ACOXL: variants seen among roughly 807,000 people sequenced by gnomAD.
ACOXL encodes acyl-CoA oxidase like.
Under a neutral mutation model 71.9 loss-of-function variants are expected in ACOXL, and 70 were observed. That is an observed-to-expected ratio of 0.97 (90% CI 0.80 to 1.19). The LOEUF is 1.19. ACOXL is among the 50% of genes most tolerant of loss of function. ACOXL has a pLI of 0.00. For missense variants in ACOXL, 703 were observed against 736.3 expected (o/e 0.95, Z 0.52); for synonymous variants, 253 against 281.6 (o/e 0.90, Z 1.02).
At chr2:111,089,180 G>A (rs2068385514) in intron 16 of ACOXL, among the ~76,000 whole-genome samples, 1 of 152,158 alleles carries the variant, frequency 6.6e-6, no homozygotes. Context: ...TGAGCATGTA[G>A]TCCCAGCTAC....
At position 110,885,629 on chromosome 2, in the gene ACOXL, CACA is replaced by C. The variant is rs563928795; in HGVS notation, c.789-23156_789-23154del. Among the ~76,000 whole-genome samples the C allele has an allele frequency of 9.2e-5, 14 of 152,272 alleles. No individual in the cohort carries two copies. In the South Asian group the frequency reaches 2.7e-3, roughly 29 times the overall value. ...ATTCGACTCCACGAAAGCCCATTAT[CACA>C]ACATTAGCTTTGTGTGTAACATTGT... is the stretch of plus-strand genomic sequence containing the variant. On this transcript the variant is annotated intron_variant, in intron 10 of 17. Coordinates refer to ENST00000439055, the MANE Select transcript of ACOXL (RefSeq NM_001142807.4).
chr2:110,793,521 C>A, intron 3 of ACOXL, 129 bp from the exon 4 acceptor site: 5 of 791,332 alleles, frequency 6.3e-6, no homozygotes, highest in South Asian at 6.1e-5. Context: ...AGAAGCATGC[C>A]ACTTGCAGGG....
intron 9 of ACOXL, among the ~76,000 whole-genome samples, chr2:110,835,075 G>T (rs367838620): frequency 4.6e-5 from 7 of 152,164 alleles, no homozygotes; most frequent in African/African-American, 1.7e-4. Context: ...AACAAGCACC[G>T]CCTAGGTTTC....
At chr2:110,976,632 A>G (rs1001198908) in intron 12 of ACOXL, among the ~76,000 whole-genome samples, 1 of 152,214 alleles carries the variant, frequency 6.6e-6, no homozygotes, top group African/African-American at 2.4e-5. Flanking sequence ...CAAGTGGAGT[A>G]TGTGTGAAGA....
At chr2:110,980,702 C>T (rs1428318519) in intron 12 of ACOXL, among the ~76,000 whole-genome samples, 2 of 152,182 alleles carry the variant, frequency 1.3e-5, no homozygotes, top group Non-Finnish European at 2.9e-5. Context: ...AAAGGCAGCT[C>T]TTCAGACAGC....
chr2:110,767,951 CACACACACACACA>C, intron 1 of ACOXL, among the ~76,000 whole-genome samples: 1 of 150,644 alleles, frequency 6.6e-6, no homozygotes, highest in Admixed American at 6.6e-5. Context: ...CACACACACA[CACACACACACACA>C]CACACACACA....
At chr2:110,871,322 GA>G (rs1012402056) in intron 10 of ACOXL, among the ~76,000 whole-genome samples, 5 of 152,090 alleles carry the variant, frequency 3.3e-5, no homozygotes, top group Admixed American at 3.3e-4. Flanking sequence ...GAAATATTTG[GA>G]AATAGGACCA....
intron 12 of ACOXL, chr2:110,963,486 C>T: frequency 5.5e-6 from 7 of 1,278,214 alleles, no homozygotes; most frequent in Middle Eastern, 2.3e-4. Context: ...TGATTGTTTA[C>T]CTCTTTTCAA....
intron 10 of ACOXL, among the ~76,000 whole-genome samples, chr2:110,906,965 T>TC (rs2059474512): frequency 6.6e-6 from 1 of 152,222 alleles, no homozygotes; most frequent in South Asian, 2.1e-4. Flanking sequence ...TACAGTAGAA[T>TC]CACAGCATGT....
rs142688802 is a variant in ACOXL, at chr2:110,900,701, T to A, written c.789-8088T>A. Among the ~76,000 whole-genome samples, 25 of 152,288 alleles carry A rather than the reference T, an allele frequency of 1.6e-4. No individual in the cohort carries two copies. In the East Asian group the frequency reaches 3.9e-3, roughly 23 times the overall value. On this transcript the variant is annotated intron_variant, in intron 10 of 17. Coordinates refer to ENST00000439055, the MANE Select transcript of ACOXL (RefSeq NM_001142807.4). ...GTCACTAGAGAGGACAAGAACAGAC[T>A]CAGTACAAAGGCAGCCAGGTTCCTT... is the stretch of plus-strand genomic sequence containing the variant.
At chr2:111,044,036 A>T (rs924780497) in intron 15 of ACOXL, among the ~76,000 whole-genome samples, 1 of 152,238 alleles carries the variant, frequency 6.6e-6, no homozygotes, top group Non-Finnish European at 1.5e-5. Context: ...AACATGTTGA[A>T]GAAAATCTAC....
chr2:110,840,202 G>C (rs1690986728), intron 9 of ACOXL, among the ~76,000 whole-genome samples: 1 of 152,108 alleles, frequency 6.6e-6, no homozygotes, highest in Non-Finnish European at 1.5e-5. Context: ...TCTTGGCCAG[G>C]CTGGTCTTGA....
rs915837238 is a variant in ACOXL, at chr2:110,795,210, G to C, written c.345+1036G>C. ...TGAGCAGGTGGATTTTTGTTAGCGG[G>C]GTTTCCTGACCCAGGGTTGCTGGTT... On this transcript the variant is annotated intron_variant, in intron 5 of 17. Transcript: ENST00000439055. 3.3e-5 allele frequency among the ~76,000 whole-genome samples: 5 copies of C among 152,118 alleles called. No individual in the cohort carries two copies. The East Asian group carries it at 5.8e-4, about 18-fold the overall frequency.
intron 10 of ACOXL, among the ~76,000 whole-genome samples, chr2:110,880,444 A>G (rs1328578868): frequency 6.6e-6 from 1 of 152,214 alleles, no homozygotes; most frequent in Non-Finnish European, 1.5e-5. Flanking sequence ...CATTGTTTAG[A>G]TAGACCAGAA....
At chr2:110,846,641 G>GCACGCACACACACACACA (rs1553562227) in intron 10 of ACOXL, among the ~76,000 whole-genome samples, 10 of 138,034 alleles carry the variant, frequency 7.2e-5, no homozygotes, top group Admixed American at 2.9e-4. Context: ...ATGCATACAC[G>GCACGCACACACACACACA]CACACACACA....
intron 14 of ACOXL, among the ~76,000 whole-genome samples, chr2:111,022,728 A>T (rs2064827297): frequency 6.6e-6 from 1 of 152,150 alleles, no homozygotes; most frequent in African/African-American, 2.4e-5. Flanking sequence ...GCCAACCAGG[A>T]GGCAGGGAGG....
chr2:110,817,288 C>G (rs1171437997), intron 9 of ACOXL, among the ~76,000 whole-genome samples: 1 of 152,244 alleles, frequency 6.6e-6, no homozygotes, highest in African/African-American at 2.4e-5. Context: ...GCCAAGAAAA[C>G]AGAGGCTCTG....
At chr2:110,763,993 A>C (rs981488340) in intron 1 of ACOXL, among the ~76,000 whole-genome samples, 1 of 152,230 alleles carries the variant, frequency 6.6e-6, no homozygotes, top group African/African-American at 2.4e-5. Flanking sequence ...CAACAATGAG[A>C]TATCACTACA....
chr2:111,067,792 A>G (rs528843041), intron 16 of ACOXL, among the ~76,000 whole-genome samples: 1 of 152,366 alleles, frequency 6.6e-6, no homozygotes, highest in South Asian at 2.1e-4. Context: ...ACAAATATTT[A>G]TTGAGCCTCT....
Sources: allele counts gnomAD v4.1 joint callset (sites outside exome capture counted in the v4.1 genomes callset), GRCh38; gene constraint gnomAD v4.1.1; transcripts MANE v1.5; gene names NCBI Gene and HGNC (gene_info 2026-07-23, HGNC 2026-07-21).